PTPRG: variants seen among roughly 807,000 people sequenced by gnomAD.
PTPRG encodes protein tyrosine phosphatase receptor type G.
PTPRG carries 102 observed loss-of-function variants against 165.3 expected under a neutral mutation model. The observed-to-expected ratio is 0.62, with a 90% CI of 0.53 to 0.73. The LOEUF (loss-of-function observed/expected upper bound fraction) is 0.73. PTPRG is among the 30% of genes least tolerant of loss of function. The pLI is 0.00. For missense variants in PTPRG, 1,866 were observed against 1,861.4 expected (o/e 1.00, Z -0.05); for synonymous variants, 675 against 669.5 (o/e 1.01, Z -0.13).
chr3:61,680,508 AAAAAAAAAAACAC>A (rs1295131861), intron 1 of PTPRG, among the ~76,000 whole-genome samples: 3 of 146,812 alleles, frequency 2.0e-5, no homozygotes, highest in Admixed American at 6.9e-5. Context: ...TATGAAAAAA[AAAAAAAAAAACAC>A]AAAAAAACAG....
chr3:62,153,021 T>C (rs114702689), intron 6 of PTPRG, among the ~76,000 whole-genome samples: 2,652 of 152,366 alleles, frequency 0.017, 62 homozygotes, highest in African/African-American at 0.056. Flanking sequence ...TAAGTAGATA[T>C]ATATTTTGAA....
intron 1 of PTPRG, among the ~76,000 whole-genome samples, chr3:61,615,798 C>G (rs1192984106): frequency 1.3e-5 from 2 of 152,122 alleles, no homozygotes; most frequent in African/African-American, 4.8e-5. Context: ...TTTGACATGT[C>G]CCCATCATTA....
intron 5 of PTPRG, among the ~76,000 whole-genome samples, chr3:62,106,562 G>A (rs977829843): frequency 6.9e-6 from 1 of 145,286 alleles, no homozygotes; most frequent in South Asian, 2.2e-4. Flanking sequence ...GTGCAGTGAC[G>A]CAATCACGGT....
At chr3:61,747,118 G>A (rs1177946291) in intron 1 of PTPRG, among the ~76,000 whole-genome samples, 1 of 59,918 alleles carries the variant, frequency 1.7e-5, no homozygotes, top group Non-Finnish European at 3.6e-5. Context: ...GCAAGACCCT[G>A]TTTCAAAAAA....
chr3:62,124,424 A>G (rs77706466), intron 5 of PTPRG: 13 of 1,613,898 alleles, frequency 8.1e-6, no homozygotes, highest in East Asian at 6.7e-5. Context: ...CAGGATTTCC[A>G]TCTTGCTCAC....
chr3:62,079,114 C>A (rs77962510), intron 5 of PTPRG, among the ~76,000 whole-genome samples: 1 of 152,234 alleles, frequency 6.6e-6, no homozygotes, highest in Non-Finnish European at 1.5e-5. Context: ...TTCTCCAACA[C>A]GTCTTTGACA....
intron 2 of PTPRG, among the ~76,000 whole-genome samples, chr3:61,838,707 A>G (rs940770846): frequency 3.9e-5 from 6 of 152,214 alleles, no homozygotes; most frequent in African/African-American, 1.2e-4. Context: ...GTTCCATATC[A>G]AATGACTGGT....
chr3:61,836,172 A>G (rs2107312716), intron 2 of PTPRG, among the ~76,000 whole-genome samples: 1 of 151,314 alleles, frequency 6.6e-6, no homozygotes, highest in Admixed American at 6.6e-5. Context: ...AGCTATGTGT[A>G]GGAATCACTG....
At chr3:62,191,797 G>A (rs1431883596) in intron 9 of PTPRG, 144 bp downstream of exon 9, 9 of 908,374 alleles carry the variant, frequency 9.9e-6, no homozygotes, top group African/African-American at 5.1e-5. Context: ...CCATTGCTGC[G>A]CTGCTCGAGA....
chr3:62,287,678 T>TG (rs1225923870), intron 28 of PTPRG, among the ~76,000 whole-genome samples: 5 of 151,214 alleles, frequency 3.3e-5, no homozygotes, highest in Non-Finnish European at 7.4e-5. Context: ...AAAAACAGAA[T>TG]AAAGTATTCA....
intron 2 of PTPRG, among the ~76,000 whole-genome samples, chr3:61,882,254 G>A (rs1379895270): frequency 6.6e-6 from 1 of 152,342 alleles, no homozygotes; most frequent in South Asian, 2.1e-4. Flanking sequence ...CACAATTCCA[G>A]TGACTAGTTG....
At chr3:62,286,457 A>G (rs1253369200) in intron 28 of PTPRG, among the ~76,000 whole-genome samples, 1 of 152,290 alleles carries the variant, frequency 6.6e-6, no homozygotes, top group Non-Finnish European at 1.5e-5. Flanking sequence ...AGCTACAATA[A>G]TAAGTAAATA....
intron 1 of PTPRG, among the ~76,000 whole-genome samples, chr3:61,634,271 A>T (rs1256810434): frequency 1.4e-5 from 2 of 147,142 alleles, no homozygotes; most frequent in Admixed American, 6.7e-5. Context: ...AGAGTCTCCT[A>T]CTGTCATCTG....
intron 5 of PTPRG, among the ~76,000 whole-genome samples, chr3:62,082,897 A>G (rs1701627873): frequency 2.0e-5 from 3 of 152,240 alleles, no homozygotes; most frequent in Admixed American, 2.0e-4. Context: ...ATCACATGGT[A>G]GTAATGTGTC....
intron 4 of PTPRG, among the ~76,000 whole-genome samples, chr3:62,066,397 T>C (rs1001880416): frequency 1.3e-5 from 2 of 152,206 alleles, no homozygotes; most frequent in African/African-American, 4.8e-5. Flanking sequence ...GGAAATTCTA[T>C]TGAATTTATA....
chr3:62,157,833 T>G (rs1704598384), intron 7 of PTPRG, among the ~76,000 whole-genome samples: 1 of 152,230 alleles, frequency 6.6e-6, no homozygotes, highest in Non-Finnish European at 1.5e-5. Context: ...TACCATTGAT[T>G]GAGTTCTTTC....
chr3:62,286,588 G>A (rs1553669019), intron 28 of PTPRG, among the ~76,000 whole-genome samples: 1 of 151,754 alleles, frequency 6.6e-6, no homozygotes, highest in Non-Finnish European at 1.5e-5. Flanking sequence ...TGTACTTCAG[G>A]AGCTTAAAGT....
intron 2 of PTPRG, among the ~76,000 whole-genome samples, chr3:61,979,697 A>G (rs946650270): frequency 1.3e-5 from 2 of 152,326 alleles, no homozygotes; most frequent in South Asian, 2.1e-4. Flanking sequence ...CACAGAATTC[A>G]TCATGTTGTT....
chr3:62,256,270 GAAAT>G (rs1460394112), intron 16 of PTPRG, among the ~76,000 whole-genome samples: 8 of 152,100 alleles, frequency 5.3e-5, no homozygotes, highest in African/African-American at 1.9e-4. Context: ...TGAACAATGA[GAAAT>G]AAAAACAGGA....
Sources: gnomAD v4.1 joint callset for allele counts (sites outside exome capture counted in the v4.1 genomes callset) on GRCh38, gnomAD v4.1.1 for gene constraint, MANE v1.5 for transcripts, NCBI Gene and HGNC (gene_info 2026-07-23, HGNC 2026-07-21) for gene names.